The following PYGO1 variants were observed in gnomAD, a reference collection of about 807,000 sequenced individuals.
PYGO1 encodes the protein pygopus family PHD finger 1.
PYGO1 carries 6 observed loss-of-function variants against 29.5 expected under a neutral mutation model. That is an observed-to-expected ratio of 0.20 (90% confidence interval 0.11 to 0.40). PYGO1 has a LOEUF of 0.40. Among genes scored for constraint, PYGO1 ranks in the 10% least tolerant of loss-of-function variants. The pLI, the probability that PYGO1 is intolerant of heterozygous loss-of-function variation, is 1.00. For missense variants in PYGO1, 515 were observed against 514.9 expected, an observed-to-expected ratio of 1.00 and a Z score of 0.00; for synonymous variants, 186 against 180.5, an observed-to-expected ratio of 1.03 and a Z score of -0.24.
intron 1 of PYGO1, among the ~76,000 whole-genome samples, chr15:55,554,559 T>C (rs1378834450): frequency 6.7e-6 from 1 of 150,336 alleles, no homozygotes; most frequent in Non-Finnish European, 1.5e-5. Context: ...AGAAGGTCAG[T>C]AATAATCAAT....
chr15:55,582,028 G>A (rs558274172), intron 1 of PYGO1, among the ~76,000 whole-genome samples: 2 of 152,032 alleles, frequency 1.3e-5, no homozygotes, highest in East Asian at 1.9e-4. Flanking sequence ...CCAACATGAT[G>A]AAATCAGCCC....
rs992965207 is a variant in PYGO1, at chr15:55,545,454, G to A, written c.*569C>T. 1.2e-4 allele frequency: 19 copies of A among 152,332 alleles called. No individual in the cohort carries two copies. The highest frequency in any genetic ancestry group is 3.4e-3 in the Middle Eastern group (1 of 294). 9.4% of individuals were successfully genotyped at this position (152,332 alleles called of 1,614,324 possible). ...ATATGCTAAGATCTGTCTCGTATCT[G>A]TACAAACAGATATCCTGAAAACTCA... On this transcript the variant is annotated 3_prime_UTR_variant, in exon 3 of 3. Coordinates refer to ENST00000563719, the MANE Select transcript of PYGO1 (RefSeq NM_001367806.1).
intron 1 of PYGO1, among the ~76,000 whole-genome samples, chr15:55,569,375 G>C (rs182485811): frequency 1.2e-4 from 18 of 152,184 alleles, no homozygotes; most frequent in Middle Eastern, 3.4e-3. Context: ...TGTGATGTTA[G>C]ATCATTAATT....
rs1309019211 is a variant in PYGO1 at position 55,548,953 on chromosome 15, T to C, written c.92A>G (p.Gln31Arg). ...CTTTTTCTTATCTGGGCTTCCTAGTTGTACACCTGGTCCTCCTAACCCATC... is the reference window on the plus strand; with the variant it reads ...CTTTTTCTTATCTGGGCTTCCTAGTCGTACACCTGGTCCTCCTAACCCATC... ...GLDGLGGPGV[Q>R]LGSPDKKKRK... The change falls in exon 2 of 3, where the codon CAA becomes CGA. Residue 31 changes from glutamine to arginine, a missense_variant. Physicochemically the swap from Gln to Arg is conservative, Grantham distance 43 (BLOSUM62 1). Transcript: ENST00000563719. 6 of 1,612,988 alleles carry C rather than the reference T, an allele frequency of 3.7e-6. No individual in the cohort carries two copies. The highest frequency in any genetic ancestry group is 5.1e-6 in the Non-Finnish European group (6 of 1,179,576).
intron 1 of PYGO1, among the ~76,000 whole-genome samples, chr15:55,560,102 C>T (rs376976415): frequency 2.0e-4 from 31 of 152,226 alleles, no homozygotes; most frequent in African/African-American, 6.7e-4. Flanking sequence ...AAGCTGGAAG[C>T]ATTCCCCTTG....
At chr15:55,554,661 G>C (rs2058895892) in intron 1 of PYGO1, among the ~76,000 whole-genome samples, 2 of 152,026 alleles carry the variant, frequency 1.3e-5, no homozygotes. Context: ...AGAAGAGCCA[G>C]TTTAAAGAGG....
intron 1 of PYGO1, among the ~76,000 whole-genome samples, chr15:55,580,484 T>C (rs1179610865): frequency 1.3e-5 from 2 of 152,200 alleles, no homozygotes; most frequent in Non-Finnish European, 2.9e-5. Flanking sequence ...AACAGATAAC[T>C]TAGAAGGCAG....
intron 1 of PYGO1, among the ~76,000 whole-genome samples, chr15:55,560,854 C>T (rs995349047): frequency 6.6e-6 from 1 of 152,030 alleles, no homozygotes; most frequent in African/African-American, 2.4e-5. Context: ...CTCAGCTACT[C>T]GGGAGGCTGA....
In PYGO1 at chr15:55,546,375, G is replaced by A. The variant is rs147078512; in HGVS notation, c.908C>T (p.Thr303Met). 46 of 1,614,150 alleles carry A rather than the reference G, an allele frequency of 2.8e-5. No individual in the cohort carries two copies. The highest frequency in any genetic ancestry group is 2.3e-4 in the South Asian group (21 of 91,080). ...TCTTGGTTGTCGTGGCTTATTCTGCGTCCCATTTGCAGGGTTATTGTTTGT... is the reference window on the plus strand; with the variant it reads ...TCTTGGTTGTCGTGGCTTATTCTGCATCCCATTTGCAGGGTTATTGTTTGT... ...EATNNNPANG[T>M]QNKPRQPRGA... is the part of the protein sequence containing the mutation. The change falls in exon 3 of 3, where the codon ACG (threonine) becomes ATG (methionine). Residue 303 changes from threonine (T) to methionine (M), a missense_variant. By Grantham distance (81) the Thr-to-Met change is moderately conservative. Transcript: ENST00000563719.
At chr15:55,586,676 T>C (rs946021237) in intron 1 of PYGO1, among the ~76,000 whole-genome samples, 2 of 152,198 alleles carry the variant, frequency 1.3e-5, no homozygotes, top group African/African-American at 4.8e-5. Context: ...CACAGGGGCT[T>C]TGCATTTGCT....
At chr15:55,582,260 T>G (rs2059028263) in intron 1 of PYGO1, among the ~76,000 whole-genome samples, 1 of 147,330 alleles carries the variant, frequency 6.8e-6, no homozygotes, top group Admixed American at 6.8e-5. Context: ...TTTGGGACAG[T>G]GTTGCGTGGG....
intron 2 of PYGO1, among the ~76,000 whole-genome samples, chr15:55,548,118 C>G (rs947694373): frequency 3.9e-5 from 6 of 152,032 alleles, no homozygotes; most frequent in African/African-American, 1.4e-4. Context: ...CTTCCAGGTT[C>G]AAGCAATTCT....
intron 1 of PYGO1, among the ~76,000 whole-genome samples, chr15:55,585,850 C>G (rs79922860): frequency 4.6e-5 from 7 of 152,136 alleles, no homozygotes; most frequent in Admixed American, 1.3e-4. Flanking sequence ...TTATACAGCA[C>G]AAATATCAGG....
At chr15:55,553,987 A>G (rs1022612040) in intron 1 of PYGO1, among the ~76,000 whole-genome samples, 1 of 152,202 alleles carries the variant, frequency 6.6e-6, no homozygotes, top group Non-Finnish European at 1.5e-5. Context: ...AGCAATGTCA[A>G]CAACAATATC....
At chr15:55,561,867 C>G (rs2058934208) in intron 1 of PYGO1, among the ~76,000 whole-genome samples, 1 of 152,064 alleles carries the variant, frequency 6.6e-6, no homozygotes, top group Admixed American at 6.6e-5. Flanking sequence ...GGGATCTAAA[C>G]TAAAGAGCTT....
At chr15:55,556,671 G>C (rs750455449) in intron 1 of PYGO1, among the ~76,000 whole-genome samples, 3 of 146,206 alleles carry the variant, frequency 2.1e-5, no homozygotes, top group Admixed American at 1.4e-4. Flanking sequence ...AGGAGACAGA[G>C]ACACAAAAAA....
intron 1 of PYGO1, among the ~76,000 whole-genome samples, chr15:55,557,306 C>T (rs972043728): frequency 6.6e-6 from 1 of 152,074 alleles, no homozygotes; most frequent in African/African-American, 2.4e-5. Flanking sequence ...GAAGTTGAAT[C>T]CCTGAATAGA....
chr15:55,558,593 A>C (rs1389104522), intron 1 of PYGO1, among the ~76,000 whole-genome samples: 2 of 152,080 alleles, frequency 1.3e-5, no homozygotes, highest in Non-Finnish European at 2.9e-5. Flanking sequence ...CCTGGCTTCA[A>C]ACTACACTAC....
chr15:55,549,087 G>A lies in PYGO1; in HGVS notation c.50-92C>T, dbSNP rs1045278763. Reference sequence around the variant, plus strand: ...ATATCTATTATATTTACCTGTTAATGTTTTCTATTTTCGTTAGACAAGAGC... The same window carrying A: ...ATATCTATTATATTTACCTGTTAATATTTTCTATTTTCGTTAGACAAGAGC... On this transcript the variant is annotated intron_variant, in intron 1 of 2. Transcript: ENST00000563719. 5 of 964,310 alleles carry A rather than the reference G, an allele frequency of 5.2e-6. No homozygotes were observed. In the African/African-American group the frequency reaches 8.6e-5, roughly 17 times the overall value. The allele number at this position is 964,310 out of a possible 1,614,324, so 59.7% of individuals were successfully genotyped here. A position where few individuals can be genotyped will look rare whatever the true frequency, so the allele number is the denominator to read the frequency against.
Sources: gnomAD v4.1 joint callset for allele counts (sites outside exome capture counted in the v4.1 genomes callset) on GRCh38, gnomAD v4.1.1 for gene constraint, MANE v1.5 for transcripts, NCBI Gene and HGNC (gene_info 2026-07-23, HGNC 2026-07-21) for gene names.